ARHGAP6: variants seen among roughly 807,000 people sequenced by gnomAD.
ARHGAP6 encodes Rho GTPase activating protein 6.
In ARHGAP6, 16 loss-of-function variants were observed where a neutral mutation model predicts 55.7. That is an observed-to-expected ratio of 0.29 (90% CI 0.19 to 0.44). The LOEUF is 0.44. Ranked by LOEUF, ARHGAP6 falls within the 20% of genes least tolerant of loss-of-function variation. The pLI, the probability that ARHGAP6 is intolerant of heterozygous loss-of-function variation, is 1.00. For synonymous variants in ARHGAP6, 382 were observed against 360.9 expected (o/e 1.06, Z -0.66); for missense variants, 698 against 808.9 (o/e 0.86, Z 1.66).
chrX:11,181,038 C>T (rs908335904), intron 6 of ARHGAP6, among the ~76,000 whole-genome samples: 3 of 112,207 alleles, frequency 2.7e-5, no homozygotes, highest in African/African-American at 3.2e-5. Context: ...CACTCACAGC[C>T]GGTTGGCAGA....
At chrX:11,501,055 T>C (rs754214476) in intron 1 of ARHGAP6, among the ~76,000 whole-genome samples, 1 of 112,231 alleles carries the variant, frequency 8.9e-6, no homozygotes, top group East Asian at 2.8e-4. Context: ...TTTGGCTTTG[T>C]GGGCCATACA....
chrX:11,584,976 A>G (rs774998106), intron 1 of ARHGAP6, among the ~76,000 whole-genome samples: 1 of 111,478 alleles, frequency 9.0e-6, no homozygotes, highest in African/African-American at 3.3e-5. Context: ...GTTCCCCTCT[A>G]TGTGTCCATG....
intron 1 of ARHGAP6, among the ~76,000 whole-genome samples, chrX:11,358,433 CT>C (rs1491476025): frequency 3.5e-5 from 1 of 28,734 alleles, no homozygotes; most frequent in East Asian, 4.6e-3. Flanking sequence ...TTAACTGTAT[CT>C]TTCTTTCTTT....
At chrX:11,391,026 G>T (rs1422551575) in intron 1 of ARHGAP6, among the ~76,000 whole-genome samples, 1 of 111,989 alleles carries the variant, frequency 8.9e-6, no homozygotes, top group African/African-American at 3.2e-5. Context: ...TATGTTTATT[G>T]TGGCACTATT....
At chrX:11,263,020 T>C (rs766573889) in intron 1 of ARHGAP6, among the ~76,000 whole-genome samples, 5 of 110,554 alleles carry the variant, frequency 4.5e-5, no homozygotes, top group Non-Finnish European at 9.5e-5. Context: ...CACTCTAAAT[T>C]TGCATCACCA....
intron 1 of ARHGAP6, among the ~76,000 whole-genome samples, chrX:11,594,835 A>C (rs1374466252): frequency 8.9e-6 from 1 of 112,278 alleles, no homozygotes; most frequent in African/African-American, 3.2e-5. Context: ...AGTTTTATAT[A>C]AAATAAGGCA....
At chrX:11,236,420 G>A (rs1189632139) in intron 2 of ARHGAP6, among the ~76,000 whole-genome samples, 1 of 111,452 alleles carries the variant, frequency 9.0e-6, no homozygotes, top group African/African-American at 3.3e-5. Flanking sequence ...TGAGATTTGG[G>A]TAAGGACACA....
Position 11,542,331 on chromosome X carries a change from A to G in ARHGAP6, c.588+121910T>C, listed in dbSNP as rs1009657640. Among the ~76,000 whole-genome samples, 4 of 110,395 alleles carry G rather than the reference A, an allele frequency of 3.6e-5. No individual in the cohort carries two copies. In the Admixed American group the frequency reaches 3.9e-4, roughly 11 times the overall value. On this transcript the variant is annotated intron_variant, in intron 1 of 12. Coordinates refer to ENST00000337414, the MANE Select transcript of ARHGAP6 (RefSeq NM_013427.3). The stretch of plus-strand genomic sequence containing the variant: ...TACAAAAAATTCAAAACAATTAGCC[A>G]GGTGTGGTGGTGGGTGCCTGTAATC...
chrX:11,278,316 C>T (rs1290798020), intron 1 of ARHGAP6, among the ~76,000 whole-genome samples: 1 of 111,318 alleles, frequency 9.0e-6, no homozygotes, highest in African/African-American at 3.3e-5. Context: ...ACCACACAGG[C>T]CCTTAAAATA....
At chrX:11,230,101 G>A (rs1453647882) in intron 2 of ARHGAP6, among the ~76,000 whole-genome samples, 2 of 112,391 alleles carry the variant, frequency 1.8e-5, no homozygotes, top group Non-Finnish European at 3.8e-5. Context: ...CCATGTGAGA[G>A]TTCTATTATA....
chrX:11,145,685 G>A (rs1258102966), intron 10 of ARHGAP6, among the ~76,000 whole-genome samples: 1 of 112,363 alleles, frequency 8.9e-6, no homozygotes, highest in Non-Finnish European at 1.9e-5. Flanking sequence ...CCTACTGACA[G>A]GACTGGCTAC....
intron 2 of ARHGAP6, among the ~76,000 whole-genome samples, chrX:11,237,625 T>A (rs979733005): frequency 4.5e-5 from 5 of 111,789 alleles, no homozygotes; most frequent in African/African-American, 1.6e-4. Context: ...AAAATCCTGC[T>A]GAGAAAAGAC....
At chrX:11,627,532 T>A (rs920727130) in intron 1 of ARHGAP6, among the ~76,000 whole-genome samples, 3 of 111,909 alleles carry the variant, frequency 2.7e-5, no homozygotes, top group East Asian at 5.6e-4. Context: ...TTTTTAAACA[T>A]GCAAAAATGC....
At chrX:11,660,158 T>C (rs762773247) in intron 1 of ARHGAP6, among the ~76,000 whole-genome samples, 101 of 111,795 alleles carry the variant, frequency 9.0e-4, no homozygotes, top group Middle Eastern at 4.6e-3. Context: ...AAACTTCACT[T>C]GGGCAACACT....
chrX:11,442,330 G>C (rs2050047775), intron 1 of ARHGAP6, among the ~76,000 whole-genome samples: 1 of 108,360 alleles, frequency 9.2e-6, no homozygotes, highest in South Asian at 4.0e-4. Context: ...AAAAAAAACT[G>C]CCTCAATTCT....
At chrX:11,411,181 A>ATT (rs1219706569) in intron 1 of ARHGAP6, among the ~76,000 whole-genome samples, 32 of 50,708 alleles carry the variant, frequency 6.3e-4, no homozygotes, top group African/African-American at 2.1e-3. Context: ...GGCAGACATT[A>ATT]TTTATATATA....
At position 11,444,454 on chromosome X, in the gene ARHGAP6, T is replaced by C. The variant is rs777694342; in HGVS notation, c.589-189747A>G. 4.5e-3 allele frequency among the ~76,000 whole-genome samples: 501 copies of C among 112,410 alleles called. 1 individual carries two copies. Among genetic ancestry groups the C allele is most frequent in the Non-Finnish European group, 7.5e-3 (400 of 53,302 alleles). On this transcript the variant is annotated intron_variant, in intron 1 of 12. Transcript: ENST00000337414. ...TACTGAAGGAGGTGGTAAAAATACC[T>C]GGCTGAAAAAACTATCGATATTGGA...
chrX:11,563,313 T>C (rs1421334765), intron 1 of ARHGAP6, among the ~76,000 whole-genome samples: 2 of 106,869 alleles, frequency 1.9e-5, no homozygotes, highest in Admixed American at 2.0e-4. Flanking sequence ...ATCCACTTAT[T>C]AAAAAAATCA....
intron 1 of ARHGAP6, among the ~76,000 whole-genome samples, chrX:11,277,710 TAAAAA>T (rs543163653): frequency 1.2e-3 from 126 of 107,844 alleles, no homozygotes; most frequent in Middle Eastern, 4.8e-3. Flanking sequence ...TTTTTTTTTT[TAAAAA>T]AAAATTAGCC....
Sources: allele counts gnomAD v4.1 joint callset (sites outside exome capture counted in the v4.1 genomes callset), GRCh38; gene constraint gnomAD v4.1.1; transcripts MANE v1.5; gene names NCBI Gene and HGNC (gene_info 2026-07-23, HGNC 2026-07-21).